Variants in SLC4A11 observed in about 807,000 individuals in gnomAD.
SLC4A11 encodes the protein solute carrier family 4 member 11.
A neutral mutation model predicts 95.0 loss-of-function variants in SLC4A11; 74 were observed. The observed-to-expected ratio is 0.78, with a 90% CI of 0.65 to 0.95. The LOEUF is 0.95. SLC4A11 is among the 40% of genes least tolerant of loss of function. The pLI, the probability that SLC4A11 is intolerant of heterozygous loss-of-function variation, is 0.00. For missense variants in SLC4A11, 1,081 were observed against 1,192.4 expected (o/e 0.91, Z 1.38); for synonymous variants, 548 against 519.0 (o/e 1.06, Z -0.76).
rs1568548096 is a variant in SLC4A11 at position 3,237,975 on chromosome 20, C to T, written c.44-387G>A. On this transcript the variant is annotated intron_variant, in intron 1 of 19. Transcript: ENST00000642402. ...GGGACCGGGCCCGAGCGGGCCTCTC[C>T]CCCTCTCTCCTCGGATGCCAAGGCG... 3.9e-6 allele frequency: 6 copies of T among 1,550,092 alleles called. No individual in the cohort carries two copies. The South Asian group carries it at 7.1e-5, about 18-fold the overall frequency.
upstream of SLC4A11, chr20:3,239,379 G>T (rs2068086041): frequency 2.7e-6 from 3 of 1,112,026 alleles, no homozygotes; most frequent in African/African-American, 3.3e-5. Context: ...GGGCTGGGCT[G>T]CTCCCCGCCG....
intron 2 of SLC4A11, among the ~76,000 whole-genome samples, chr20:3,235,557 T>C (rs6051669): frequency 0.65 from 98,272 of 151,848 alleles, 32,412 homozygotes; most frequent in African/African-American, 0.78. Flanking sequence ...CTCTTCATGT[T>C]CTGGGGGCCC....
In SLC4A11 at chr20:3,230,731, C is replaced by G; in HGVS notation, c.1282+1G>C. On this transcript the variant is annotated splice_donor_variant, in intron 11 of 19. Transcript: ENST00000642402. LOFTEE classifies it high-confidence loss of function. ...ATCTCCCGCCTCAGCCCCCACTGCA[C>G]CCTGGATGTAGAGCGCCAGGGGCGC... 1 of 1,613,256 alleles carries G rather than the reference C, an allele frequency of 6.2e-7. No homozygotes were observed. The highest frequency in any genetic ancestry group is 8.5e-7 in the Non-Finnish European group (1 of 1,180,006).
chr20:3,238,476 T>G, intron 1 of SLC4A11: 1 of 1,013,610 alleles, frequency 9.9e-7, no homozygotes, highest in Non-Finnish European at 1.2e-6. Flanking sequence ...GACGAGGGTC[T>G]GGGAGGGTTG....
chr20:3,227,922 G>GGCCCCCCCCCCCC, intron 19 of SLC4A11, 66 bp from the exon 20 acceptor site: 2 of 1,322,348 alleles, frequency 1.5e-6, no homozygotes, highest in Non-Finnish European at 1.0e-6. Context: ...ACCCATCCCA[G>GGCCCCCCCCCCCC]CCCACCCCAG....
chr20:3,238,518 G>A, intron 1 of SLC4A11: 5 of 990,034 alleles, frequency 5.1e-6, no homozygotes, highest in South Asian at 4.7e-5. Flanking sequence ...CGTCCCGGCG[G>A]CCCACGTGCA....
intron 14 of SLC4A11, 29 bp from the exon 15 acceptor site, chr20:3,229,481 C>G: frequency 6.2e-7 from 1 of 1,613,024 alleles, no homozygotes; most frequent in Non-Finnish European, 8.5e-7. Flanking sequence ...TGAGCACAGC[C>G]TTTGACCCAT....
In SLC4A11 at chr20:3,229,181, A is replaced by G; in HGVS notation, c.1932T>C (p.Gly644=). 6.2e-7 allele frequency: 1 copy of G among 1,612,184 alleles called. No individual in the cohort carries two copies. The highest frequency in any genetic ancestry group is 8.5e-7 in the Non-Finnish European group (1 of 1,179,928). Residue 644 remains glycine, a synonymous_variant, in exon 16 of 20, where the codon GGT becomes GGC. Coordinates refer to ENST00000642402, the MANE Select transcript of SLC4A11 (RefSeq NM_001174089.2). ...ACAGCAGGAAGCCGAGGCCCATGGC[A>G]CCGCTGACGGCCCTCAGGGACAGCG... ...IQSLSLRAVS[G]AMGLGFLLSM... is the part of the protein sequence containing the mutation.
At chr20:3,235,280 GTCTC>G (rs143173251) in intron 2 of SLC4A11, among the ~76,000 whole-genome samples, 187 of 101,212 alleles carry the variant, frequency 1.8e-3, no homozygotes, top group South Asian at 3.9e-3. Context: ...CAGTATCCAC[GTCTC>G]TCTCTCTCTC....
At position 3,230,133 on chromosome 20, in the gene SLC4A11, C is replaced by A. The variant is rs2067704392; in HGVS notation, c.1489+54G>T. On this transcript the variant is annotated intron_variant, in intron 13 of 19. Coordinates refer to ENST00000642402, the MANE Select transcript of SLC4A11 (RefSeq NM_001174089.2). Reference sequence around the variant, plus strand: ...GCCCCCAGCCAGGGGCAGTGCAGAACCTCCCATCTCGGCTGAGCGCCCTGT... The same window carrying A: ...GCCCCCAGCCAGGGGCAGTGCAGAAACTCCCATCTCGGCTGAGCGCCCTGT... The A allele has an allele frequency of 1.6e-5, 26 of 1,593,218 alleles. 1 individual carries two copies. In the South Asian group the frequency reaches 2.6e-4, roughly 16 times the overall value.
intron 14 of SLC4A11, 25 bp downstream of exon 14, chr20:3,229,499 C>G: frequency 6.2e-7 from 1 of 1,612,728 alleles, no homozygotes; most frequent in South Asian, 1.1e-5. Context: ...CATGCGGCCC[C>G]TCCCCTCCCC....
In SLC4A11 at chr20:3,230,816, TGC is replaced by T; in HGVS notation, c.1196_1197del (p.Ser399AsnfsTer35). On this transcript the variant is annotated frameshift_variant, in exon 11 of 20. Transcript: ENST00000642402. LOFTEE classifies it high-confidence loss of function. ...AAGAGCGCGTAGAGCAGGCCCCCGA[TGC>T]TCTGCCCGGCTATGGTCTTCTGCAC... ...IDVQKTIAGQ[S>X]IGGLLYALFS... The T allele has an allele frequency of 1.2e-6, 2 of 1,613,266 alleles. No homozygotes were observed. Among genetic ancestry groups the T allele is most frequent in the South Asian group, 2.2e-5 (2 of 91,082 alleles).
In SLC4A11 at chr20:3,229,233, C is replaced by T; in HGVS notation, c.1880G>A (p.Ser627Asn). 1 of 1,612,988 alleles carries T rather than the reference C, an allele frequency of 6.2e-7. No individual in the cohort carries two copies. The highest frequency in any genetic ancestry group is 8.5e-7 in the Non-Finnish European group (1 of 1,180,020). The change falls in exon 16 of 20, where the codon AGC becomes AAC. Residue 627 changes from serine to asparagine, a missense_variant. This residue lies in a region of SLC4A11 where 767 missense variants were observed against 858.0 expected (regional missense o/e 0.89). Transcript: ENST00000642402. Reference protein sequence around the residue: ...MSKFRYNPSESPFAMAQIQSL... With the variant: ...MSKFRYNPSENPFAMAQIQSL... The stretch of plus-strand genomic sequence containing the variant: ...CTGGATCTGCGCCATCGCAAAGGGG[C>T]TCTCGCTGGGGTTGTAGCGGAACTT...
rs747767121 is a variant in SLC4A11, at chr20:3,230,499, C to A, written c.1415+16G>T. 43 of 1,613,658 alleles carry A rather than the reference C, an allele frequency of 2.7e-5. No individual in the cohort carries two copies. The highest frequency in any genetic ancestry group is 3.6e-5 in the Non-Finnish European group (42 of 1,180,014). ...AAGCCTTGAGGGTCCCAGCAGCTCA[C>A]GGAAGGGCCAGTCACCTCTTGAAGA... On this transcript the variant is annotated intron_variant, in intron 12 of 19. Transcript: ENST00000642402.
chr20:3,233,387 G>A (rs2067845892), intron 7 of SLC4A11, 127 bp downstream of exon 7: 1 of 1,401,452 alleles, frequency 7.1e-7, no homozygotes, highest in Non-Finnish European at 9.9e-7. Context: ...ACACCCACAG[G>A]GCCGAGGCGA....
chr20:3,236,039 G>C (rs1363613948), intron 2 of SLC4A11, among the ~76,000 whole-genome samples: 3 of 152,136 alleles, frequency 2.0e-5, no homozygotes, highest in Admixed American at 2.0e-4. Flanking sequence ...TTATAGCCCA[G>C]ACCCCACTGA....
rs776616609 is a variant in SLC4A11, at chr20:3,227,436, G to A, written c.*351C>T. 5.2e-5 allele frequency: 17 copies of A among 326,358 alleles called. No homozygotes were observed. Among genetic ancestry groups the A allele is most frequent in the Non-Finnish European group, 1.0e-4 (17 of 168,186 alleles). 20.2% of individuals were successfully genotyped at this position (326,358 alleles called of 1,614,324 possible). A position where few individuals can be genotyped will look rare whatever the true frequency, so the allele number is the denominator to read the frequency against. Reference sequence around the variant, plus strand: ...GGCACATAGGAGCCTAGAAACAGGAGCTTTATTCTCTAATGTGCGTCCAGC... The same window carrying A: ...GGCACATAGGAGCCTAGAAACAGGAACTTTATTCTCTAATGTGCGTCCAGC... On this transcript the variant is annotated 3_prime_UTR_variant, in exon 20 of 20. Transcript: ENST00000642402.
intron 1 of SLC4A11, 77 bp downstream of exon 1, chr20:3,239,017 TC>T: frequency 2.1e-6 from 3 of 1,428,276 alleles, no homozygotes; most frequent in Non-Finnish European, 9.2e-7. Flanking sequence ...ATCCGCGTTC[TC>T]CCCGGGGTCC....
chr20:3,233,776 A>G (rs1336669678), intron 6 of SLC4A11, 139 bp from the exon 7 acceptor site: 49 of 1,517,822 alleles, frequency 3.2e-5, no homozygotes, highest in Non-Finnish European at 4.3e-5. Context: ...GTTCCTTGGC[A>G]GTGCTCCAGC....
Sources: allele counts gnomAD v4.1 joint callset (sites outside exome capture counted in the v4.1 genomes callset), GRCh38; gene constraint gnomAD v4.1.1; regional missense constraint gnomAD v4.1.1; transcripts MANE v1.5; gene names NCBI Gene and HGNC (gene_info 2026-07-23, HGNC 2026-07-21).